DHRSX: variants seen among roughly 807,000 people sequenced by gnomAD.
DHRSX encodes the protein polyprenol dehydrogenase.
DHRSX carries 31 observed loss-of-function variants against 34.0 expected under a neutral mutation model. The ratio of observed to expected loss-of-function variants is 0.91; its 90% confidence interval spans 0.69 to 1.23. The LOEUF (loss-of-function observed/expected upper bound fraction) is 1.23, where lower values mean the gene tolerates loss of function less well. DHRSX is among the 50% of genes most tolerant of loss of function. DHRSX has a pLI of 0.00. For missense variants in DHRSX, 414 were observed against 428.1 expected (o/e 0.97, Z 0.29); for synonymous variants, 201 against 183.8 (o/e 1.09, Z -0.76).
Position 2,221,137 on chromosome X carries a change from C to T in DHRSX, c.897G>A (p.Glu299=), listed in dbSNP as rs762587578. The change falls in exon 7 of 7, where the codon GAG becomes GAA. Residue 299 remains glutamate, a synonymous_variant. Transcript: ENST00000334651. ...VGGHYLYNEK[E]TKSLHVTYNQ... is the part of the protein sequence containing the mutation. ...TGTAGGTGACGTGGAGGGACTTGGT[C>T]TCTTTCTCGTTGTATAGGTAATGGC... 2 of 1,613,870 alleles carry T rather than the reference C, an allele frequency of 1.2e-6. No homozygotes were observed. Among genetic ancestry groups the T allele is most frequent in the South Asian group, 2.2e-5 (2 of 91,070 alleles).
chrX:2,348,896 G>A (rs766204658), intron 3 of DHRSX, among the ~76,000 whole-genome samples: 23 of 151,994 alleles, frequency 1.5e-4, no homozygotes, highest in Admixed American at 2.6e-4. Flanking sequence ...ATTTCACCAC[G>A]TTGGCCAAGC....
chrX:2,427,197 G>C (rs191402798), intron 1 of DHRSX, among the ~76,000 whole-genome samples: 161 of 152,322 alleles, frequency 1.1e-3, no homozygotes, highest in African/African-American at 3.5e-3. Context: ...GTGACGGTGA[G>C]AGCAAAAGTC....
intron 3 of DHRSX, among the ~76,000 whole-genome samples, chrX:2,346,790 C>G (rs1025807246): frequency 9.9e-5 from 15 of 151,998 alleles, no homozygotes; most frequent in Non-Finnish European, 2.1e-4. Context: ...CTAATGCTAT[C>G]CCTCCCCCAG....
intron 3 of DHRSX, among the ~76,000 whole-genome samples, chrX:2,324,603 T>C (rs1489129480): frequency 6.6e-6 from 1 of 152,032 alleles, no homozygotes; most frequent in African/African-American, 2.4e-5. Flanking sequence ...AGGGACCATG[T>C]CCTATTCACA....
intron 2 of DHRSX, 109 bp from the exon 3 acceptor site, chrX:2,408,922 T>G: frequency 1.0e-6 from 1 of 964,168 alleles, no homozygotes; most frequent in Non-Finnish European, 1.6e-6. Flanking sequence ...AAATCTGAAA[T>G]GTGCCTTTGA....
At chrX:2,390,374 G>T (rs1363173575) in intron 3 of DHRSX, among the ~76,000 whole-genome samples, 1 of 151,528 alleles carries the variant, frequency 6.6e-6, no homozygotes, top group Non-Finnish European at 1.5e-5. Flanking sequence ...CTGACCTCAG[G>T]TGATCCACCC....
chrX:2,313,110 C>A (rs1012059811), intron 3 of DHRSX, among the ~76,000 whole-genome samples: 2 of 151,244 alleles, frequency 1.3e-5, no homozygotes, highest in East Asian at 3.9e-4. Flanking sequence ...TCAAGCGATT[C>A]TCTTGCCTCA....
intron 1 of DHRSX, among the ~76,000 whole-genome samples, chrX:2,464,390 G>C (rs947331960): frequency 4.6e-5 from 7 of 151,576 alleles, no homozygotes; most frequent in African/African-American, 1.7e-4. Context: ...TAAGTGTGTG[G>C]CTAAGGGACT....
At position 2,243,788 on chromosome X, in the gene DHRSX, G is replaced by GTTTT. The variant is rs778957532; in HGVS notation, c.597-562_597-559dup. The stretch of plus-strand genomic sequence containing the variant: ...ACAGGCAGGAGCCACTATGCTCCCT[G>GTTTT]TTTTTTTTTTTTTTTTTTTTTTTTT... On this transcript the variant is annotated intron_variant, in intron 5 of 6. Transcript: ENST00000334651. Among the ~76,000 whole-genome samples, 73 of 25,148 alleles carry GTTTT rather than the reference G, an allele frequency of 2.9e-3. 4 individuals carry two copies. Among genetic ancestry groups the GTTTT allele is most frequent in the South Asian group, 0.02 (8 of 404 alleles). The allele number at this position is 25,148 out of a possible 152,430, so 16.5% of individuals were successfully genotyped here.
At chrX:2,407,419 G>A (rs1160184614) in intron 3 of DHRSX, among the ~76,000 whole-genome samples, 6 of 152,154 alleles carry the variant, frequency 3.9e-5, no homozygotes, top group Admixed American at 2.6e-4. Context: ...CAACACATTC[G>A]TGGGCAATTC....
chrX:2,436,487 A>ATTATTATTG (rs1351676369), intron 1 of DHRSX, among the ~76,000 whole-genome samples: 1 of 135,916 alleles, frequency 7.4e-6, no homozygotes, highest in East Asian at 2.2e-4. Flanking sequence ...TATTATTATT[A>ATTATTATTG]TTATTATTAT....
intron 3 of DHRSX, among the ~76,000 whole-genome samples, chrX:2,378,478 G>T (rs2043167374): frequency 6.6e-6 from 1 of 152,000 alleles, no homozygotes; most frequent in Admixed American, 6.6e-5. Context: ...AAGATGACGA[G>T]GATGAAGACA....
rs192800729 is a variant in DHRSX at position 2,426,246 on chromosome X, G to A, written c.110-942C>T. On this transcript the variant is annotated intron_variant, in intron 1 of 6. Coordinates refer to ENST00000334651, the MANE Select transcript of DHRSX (RefSeq NM_145177.3). ...CTTCATAGCTGCTGGTATCACACGT[G>A]CAGATAGCATCTCACTTGAATTTCT... Among the ~76,000 whole-genome samples the A allele has an allele frequency of 4.7e-4, 72 of 152,244 alleles. 1 individual carries two copies. The highest frequency in any genetic ancestry group is 1.7e-3 in the African/African-American group (71 of 41,556).
chrX:2,388,150 T>C (rs751248187), intron 3 of DHRSX, among the ~76,000 whole-genome samples: 1 of 151,956 alleles, frequency 6.6e-6, no homozygotes, highest in South Asian at 2.1e-4. Context: ...AAAGGAGCCA[T>C]TGGGAGGCAT....
intron 1 of DHRSX, 55 bp from the exon 2 acceptor site, chrX:2,425,359 T>C: frequency 6.8e-7 from 1 of 1,479,630 alleles, no homozygotes; most frequent in Admixed American, 1.7e-5. Context: ...AGAGCACATA[T>C]TTGTAAGAAT....
At chrX:2,359,866 C>G (rs906132991) in intron 3 of DHRSX, among the ~76,000 whole-genome samples, 1 of 151,802 alleles carries the variant, frequency 6.6e-6, no homozygotes, top group East Asian at 1.9e-4. Context: ...TAAGTGAGAG[C>G]TAAATGATGA....
chrX:2,425,247 C>T lies in DHRSX; in HGVS notation c.167G>A (p.Gly56Asp). 1 of 1,613,838 alleles carries T rather than the reference C, an allele frequency of 6.2e-7. No individual in the cohort carries two copies. The highest frequency in any genetic ancestry group is 8.5e-7 in the Non-Finnish European group (1 of 1,179,836). ...CGCCAGATGCTTCGCTGTAGAATAG[C>T]CAATGCCATCTGTCCCTCCCGTCAC... is the stretch of plus-strand genomic sequence containing the variant. The part of the protein sequence containing the change: ...AIVTGGTDGI[G>D]YSTAKHLARL... The change falls in exon 2 of 7, where the codon GGC (glycine) becomes GAC (aspartate). Residue 56 changes from glycine to aspartate, a missense_variant. Coordinates refer to ENST00000334651, the MANE Select transcript of DHRSX (RefSeq NM_145177.3).
intron 6 of DHRSX, among the ~76,000 whole-genome samples, chrX:2,239,865 G>A (rs1408012070): frequency 6.6e-6 from 1 of 152,214 alleles, no homozygotes; most frequent in East Asian, 1.9e-4. Context: ...GTTTTATAAG[G>A]ATGAAATGTA....
At chrX:2,468,995 G>A (rs2044544707) in intron 1 of DHRSX, among the ~76,000 whole-genome samples, 1 of 151,930 alleles carries the variant, frequency 6.6e-6, no homozygotes, top group African/African-American at 2.4e-5. Context: ...CCCTAAGAAT[G>A]CCGCTAAAAG....
Sources: allele counts gnomAD v4.1 joint callset (sites outside exome capture counted in the v4.1 genomes callset), GRCh38; gene constraint gnomAD v4.1.1; transcripts MANE v1.5; gene names NCBI Gene and HGNC (gene_info 2026-07-23, HGNC 2026-07-21).